Variants in WWC1 observed in about 807,000 individuals in gnomAD.
WWC1 encodes the protein WW and C2 domain containing 1, also known as protein KIBRA.
A neutral mutation model predicts 138.4 loss-of-function variants in WWC1; 55 were observed. That is an observed-to-expected ratio of 0.40 (90% CI 0.32 to 0.50). The LOEUF is 0.50. WWC1 is among the 20% of genes least tolerant of loss of function. The probability of loss-of-function intolerance (pLI) is 0.72; values close to 1 mark genes in which losing one functional copy is unlikely to be tolerated. For missense variants in WWC1, 1,226 were observed against 1,420.4 expected (o/e 0.86, Z 2.20); for synonymous variants, 524 against 564.9 (o/e 0.93, Z 1.03).
chr5:168,455,518 C>T lies in WWC1; in HGVS notation c.2821C>T (p.Arg941Trp), dbSNP rs1442218697. The change falls in exon 19 of 23, where the codon CGG becomes TGG. Residue 941 changes from arginine to tryptophan, a missense_variant and splice_region_variant. By Grantham distance (101) the Arg-to-Trp change is moderately radical. Around this residue, in one of 3 missense-constraint regions of WWC1, gnomAD observed 206 missense variants for 247.4 expected, o/e 0.83. Coordinates refer to ENST00000265293, the MANE Select transcript of WWC1 (RefSeq NM_015238.3). ...SPGPQSQYVC[R>W]LNRSDSDSST... The stretch of plus-strand genomic sequence containing the variant: ...AGGACCCCAGAGCCAGTACGTGTGC[C>T]GGGTAAGTGAGCGTGCGGCCCTCTT... The T allele has an allele frequency of 6.2e-7, 1 of 1,612,264 alleles. No individual in the cohort carries two copies. Among genetic ancestry groups the T allele is most frequent in the Non-Finnish European group, 8.5e-7 (1 of 1,179,194 alleles).
Position 168,468,850 on chromosome 5 carries a change from G to T in WWC1, c.3276-101G>T. The T allele has an allele frequency of 3.2e-6, 4 of 1,243,040 alleles. No individual in the cohort carries two copies. In the Admixed American group the frequency reaches 7.3e-5, roughly 23 times the overall value. 77.0% of individuals were successfully genotyped at this position (1,243,040 alleles called of 1,614,324 possible). On this transcript the variant is annotated intron_variant, in intron 22 of 22. Coordinates refer to ENST00000265293, the MANE Select transcript of WWC1 (RefSeq NM_015238.3). ...AGGACGTTGCTAAACATTCTGCAGC[G>T]AATGTATAGGACAGCTCCCACGACA...
intron 3 of WWC1, among the ~76,000 whole-genome samples, chr5:168,394,510 G>A (rs1156702001): frequency 6.6e-6 from 1 of 152,118 alleles, no homozygotes; most frequent in Non-Finnish European, 1.5e-5. Flanking sequence ...TGGACCACTT[G>A]AGGTCAGGAG....
intron 5 of WWC1, among the ~76,000 whole-genome samples, chr5:168,405,293 G>A (rs892329996): frequency 2.6e-5 from 4 of 152,146 alleles, no homozygotes; most frequent in African/African-American, 9.7e-5. Context: ...GGGACATTAG[G>A]TAATACATGG....
intron 2 of WWC1, among the ~76,000 whole-genome samples, chr5:168,372,018 T>C (rs1231384459): frequency 7.4e-6 from 1 of 135,636 alleles, no homozygotes; most frequent in Non-Finnish European, 1.6e-5. Flanking sequence ...CCATAGTGAA[T>C]TGGCGAGAGA....
chr5:168,425,109 G>A (rs952995491), intron 11 of WWC1, among the ~76,000 whole-genome samples: 1 of 152,218 alleles, frequency 6.6e-6, no homozygotes, highest in African/African-American at 2.4e-5. Flanking sequence ...GAGATTCAGA[G>A]AGGTGATGTC....
chr5:168,339,461 G>A (rs1773788883), intron 1 of WWC1, among the ~76,000 whole-genome samples: 1 of 152,178 alleles, frequency 6.6e-6, no homozygotes, highest in Non-Finnish European at 1.5e-5. Flanking sequence ...TCAAATCAAG[G>A]GATCTCTGGG....
chr5:168,311,683 C>T (rs764257015), intron 1 of WWC1, among the ~76,000 whole-genome samples: 11 of 152,096 alleles, frequency 7.2e-5, no homozygotes, highest in Non-Finnish European at 1.0e-4. Flanking sequence ...CCAGCCTGGC[C>T]AACATGGCAA....
At chr5:168,337,018 G>T (rs1011801726) in intron 1 of WWC1, among the ~76,000 whole-genome samples, 3 of 152,094 alleles carry the variant, frequency 2.0e-5, no homozygotes, top group Admixed American at 6.5e-5. Flanking sequence ...TACCATGACC[G>T]CAGTGAGAAA....
At chr5:168,371,950 A>T (rs1039947185) in intron 2 of WWC1, among the ~76,000 whole-genome samples, 3 of 152,044 alleles carry the variant, frequency 2.0e-5, no homozygotes, top group Non-Finnish European at 2.9e-5. Flanking sequence ...TCATTGCCAG[A>T]CTATCTTAGA....
intron 1 of WWC1, among the ~76,000 whole-genome samples, chr5:168,361,300 G>A (rs1228610443): frequency 6.6e-6 from 1 of 152,154 alleles, no homozygotes; most frequent in African/African-American, 2.4e-5. Context: ...TGAAGCTGGG[G>A]TTGAGCAGGG....
At chr5:168,366,170 A>G (rs188382916) in intron 1 of WWC1, among the ~76,000 whole-genome samples, 1 of 152,356 alleles carries the variant, frequency 6.6e-6, no homozygotes, top group Admixed American at 6.5e-5. Context: ...ACTGCCAGGA[A>G]GAGTGAGTGT....
intron 17 of WWC1, among the ~76,000 whole-genome samples, chr5:168,447,806 T>A (rs1755416215): frequency 6.6e-6 from 1 of 151,240 alleles, no homozygotes; most frequent in South Asian, 2.1e-4. Flanking sequence ...TCTCTCTCTG[T>A]CTGTTTCTCC....
rs181630497 is a variant in WWC1 at position 168,452,950 on chromosome 5, C to T, written c.2526-1018C>T. Among the ~76,000 whole-genome samples, 478 of 152,280 alleles carry T rather than the reference C, an allele frequency of 3.1e-3. 1 individual carries two copies. The highest frequency in any genetic ancestry group is 0.011 in the African/African-American group (456 of 41,548). On this transcript the variant is annotated intron_variant, in intron 17 of 22. Transcript: ENST00000265293. The stretch of plus-strand genomic sequence containing the variant: ...GATAAAAAGGAGTGAACTGTCTGGG[C>T]GCGGTGGCTCACGCCTATAATCCCA...
intron 20 of WWC1, among the ~76,000 whole-genome samples, chr5:168,462,455 C>T (rs565486414): frequency 3.3e-5 from 5 of 152,302 alleles, no homozygotes; most frequent in Non-Finnish European, 2.9e-5. Context: ...ATTACAAGGC[C>T]ACACTTCTGA....
chr5:168,439,342 G>A (rs533524589), intron 15 of WWC1, among the ~76,000 whole-genome samples: 5 of 151,748 alleles, frequency 3.3e-5, no homozygotes, highest in South Asian at 4.2e-4. Context: ...AAAATCTTTC[G>A]CTATTGGCCG....
At chr5:168,356,352 T>C (rs1775414347) in intron 1 of WWC1, among the ~76,000 whole-genome samples, 1 of 152,232 alleles carries the variant, frequency 6.6e-6, no homozygotes, top group Non-Finnish European at 1.5e-5. Context: ...TGGCCCAAGC[T>C]CTCACGGCTG....
At chr5:168,339,965 C>G (rs558406030) in intron 1 of WWC1, among the ~76,000 whole-genome samples, 2,531 of 126,584 alleles carry the variant, frequency 0.02, 41 homozygotes, top group South Asian at 0.061. Flanking sequence ...CCCTCTCTCT[C>G]TCTGTCTCTC....
At chr5:168,405,437 C>T (rs951669505) in intron 5 of WWC1, among the ~76,000 whole-genome samples, 24 of 152,200 alleles carry the variant, frequency 1.6e-4, no homozygotes, top group African/African-American at 4.6e-4. Flanking sequence ...GAGACAGACA[C>T]GTTCAACTCT....
chr5:168,450,146 C>T (rs1354746126), intron 17 of WWC1, among the ~76,000 whole-genome samples: 1 of 152,138 alleles, frequency 6.6e-6, no homozygotes, highest in Non-Finnish European at 1.5e-5. Flanking sequence ...TCATGCTGAT[C>T]AGAAGCCGGG....
Sources: gnomAD v4.1 joint callset for allele counts (sites outside exome capture counted in the v4.1 genomes callset) on GRCh38, gnomAD v4.1.1 for gene constraint, gnomAD v4.1.1 regional missense constraint, MANE v1.5 for transcripts, NCBI Gene and HGNC (gene_info 2026-07-23, HGNC 2026-07-21) for gene names.